Variants in COG5 observed in about 807,000 individuals in gnomAD.
COG5 encodes the protein component of oligomeric golgi complex 5.
Under a neutral mutation model 110.4 loss-of-function variants are expected in COG5, and 86 were observed. The ratio of observed to expected loss-of-function variants is 0.78; its 90% CI spans 0.65 to 0.93. The LOEUF (loss-of-function observed/expected upper bound fraction) is 0.93. COG5 is among the 40% of genes least tolerant of loss of function. The pLI, the probability that COG5 is intolerant of heterozygous loss-of-function variation, is 0.00. For missense variants in COG5, 1,077 were observed against 987.0 expected, an observed-to-expected ratio of 1.09 and a Z score of -1.22; for synonymous variants, 360 against 334.6, an observed-to-expected ratio of 1.08 and a Z score of -0.83.
intron 14 of COG5, among the ~76,000 whole-genome samples, chr7:107,268,195 C>T (rs144533910): frequency 0.019 from 2,847 of 152,078 alleles, 88 homozygotes; most frequent in African/African-American, 0.063. Context: ...CTCAAACTCC[C>T]GAACTCAGGT....
At position 107,230,001 on chromosome 7, in the gene COG5, C is replaced by T. The variant is rs371038594; in HGVS notation, c.2168+614G>A. Among the ~76,000 whole-genome samples, 456 of 151,854 alleles carry T rather than the reference C, an allele frequency of 3.0e-3. 2 individuals carry two copies. Among genetic ancestry groups the T allele is most frequent in the African/African-American group, 9.9e-3 (410 of 41,442 alleles). Reference sequence around the variant, plus strand: ...CAGTAGCTGGAACTACAGGTGTGCACCACCATGCCCAGCTAATTTTTGTAT... The same window carrying T: ...CAGTAGCTGGAACTACAGGTGTGCATCACCATGCCCAGCTAATTTTTGTAT... On this transcript the variant is annotated intron_variant, in intron 19 of 21. Transcript: ENST00000297135.
chr7:107,464,381 T>C (rs952497525), intron 6 of COG5, among the ~76,000 whole-genome samples: 1 of 152,066 alleles, frequency 6.6e-6, no homozygotes, highest in African/African-American at 2.4e-5. Flanking sequence ...GCCTAGAGAG[T>C]GAGCAATAAC....
intron 7 of COG5, among the ~76,000 whole-genome samples, chr7:107,394,742 G>A (rs1043607440): frequency 6.6e-6 from 1 of 152,270 alleles, no homozygotes; most frequent in African/African-American, 2.4e-5. Context: ...GACAGAATTT[G>A]ATGAGAAATA....
chr7:107,540,318 A>G (rs1258990197), intron 5 of COG5, among the ~76,000 whole-genome samples: 2 of 152,124 alleles, frequency 1.3e-5, no homozygotes, highest in African/African-American at 4.8e-5. Context: ...CATGCCTGCA[A>G]TCCCAGCATT....
intron 6 of COG5, among the ~76,000 whole-genome samples, chr7:107,514,154 C>T (rs1268411529): frequency 6.6e-6 from 1 of 151,682 alleles, no homozygotes; most frequent in Non-Finnish European, 1.5e-5. Context: ...AGACCATAAG[C>T]GATTAAAATT....
intron 11 of COG5, among the ~76,000 whole-genome samples, chr7:107,313,820 A>G (rs1808487453): frequency 6.6e-6 from 1 of 152,156 alleles, no homozygotes; most frequent in South Asian, 2.1e-4. Flanking sequence ...CACATCCGCA[A>G]AATCCCTCTT....
At chr7:107,563,544 T>TGGCG in intron 1 of COG5, 4 of 254,960 alleles carry the variant, frequency 1.6e-5, no homozygotes, top group South Asian at 6.6e-5. Flanking sequence ...GCTGGAGGCA[T>TGGCG]GGGGGGGGGG....
chr7:107,409,393 A>AAAGTAATCTACTTTCAGTAGATTC (rs1563016585), intron 7 of COG5, among the ~76,000 whole-genome samples: 3 of 151,998 alleles, frequency 2.0e-5, no homozygotes, highest in African/African-American at 7.2e-5. Context: ...CCAGTAGATT[A>AAAGTAATCTACTTTCAGTAGATTC]CTGAAAGTAA....
intron 6 of COG5, among the ~76,000 whole-genome samples, chr7:107,441,392 T>C (rs990929507): frequency 2.0e-5 from 3 of 152,132 alleles, no homozygotes; most frequent in Non-Finnish European, 4.4e-5. Flanking sequence ...GGGAACAATC[T>C]TAGGGGATTG....
intron 5 of COG5, among the ~76,000 whole-genome samples, chr7:107,545,087 GA>G (rs1802314894): frequency 6.6e-6 from 1 of 152,128 alleles, no homozygotes; most frequent in African/African-American, 2.4e-5. Flanking sequence ...GATCCAGTCA[GA>G]GGAACAAAAA....
At chr7:107,548,212 C>T (rs1322953894) in intron 4 of COG5, 32 bp from the exon 5 acceptor site, 6 of 1,607,426 alleles carry the variant, frequency 3.7e-6, no homozygotes, top group South Asian at 3.3e-5. Flanking sequence ...AGAATAAAAT[C>T]ATTTTCAGAA....
At chr7:107,214,203 T>A (rs779266571) in intron 19 of COG5, among the ~76,000 whole-genome samples, 1 of 152,024 alleles carries the variant, frequency 6.6e-6, no homozygotes, top group African/African-American at 2.4e-5. Flanking sequence ...CCAAGACACA[T>A]AATAAACTGT....
intron 6 of COG5, among the ~76,000 whole-genome samples, chr7:107,457,222 G>GA (rs5886417): frequency 0.62 from 94,419 of 151,706 alleles, 31,800 homozygotes; most frequent in African/African-American, 0.9. Context: ...AAACTTTCCA[G>GA]GCTGAAAAAC....
chr7:107,234,717 AAAAC>A (rs1801041219), intron 18 of COG5, among the ~76,000 whole-genome samples: 1 of 152,134 alleles, frequency 6.6e-6, no homozygotes, highest in Admixed American at 6.5e-5. Context: ...AACAAAAAGA[AAAAC>A]AAAATTAAGG....
intron 6 of COG5, among the ~76,000 whole-genome samples, chr7:107,509,995 C>T (rs1324894609): frequency 5.3e-5 from 8 of 152,228 alleles, no homozygotes; most frequent in East Asian, 1.9e-4. Flanking sequence ...CATCAACTAA[C>T]GAGCAAAATA....
At chr7:107,522,604 TAAG>T (rs1299539257) in intron 6 of COG5, among the ~76,000 whole-genome samples, 1 of 152,026 alleles carries the variant, frequency 6.6e-6, no homozygotes, top group Non-Finnish European at 1.5e-5. Flanking sequence ...ATTAAAAATT[TAAG>T]AAAAGAAGAA....
chr7:107,316,759 G>C (rs1021838266), intron 11 of COG5, among the ~76,000 whole-genome samples: 8 of 137,936 alleles, frequency 5.8e-5, no homozygotes, highest in Non-Finnish European at 1.1e-4. Flanking sequence ...GTGAACCCAG[G>C]AGGCGGAGCT....
rs566130777 is a variant in COG5 at position 107,374,147 on chromosome 7, T to C, written c.670-1387A>G. ...TTAATTTTATGTTGTAAATTCTCTA[T>C]TAACGTATGCCAACAAGGAAAATAA... On this transcript the variant is annotated intron_variant, in intron 7 of 21. Coordinates refer to ENST00000297135, the MANE Select transcript of COG5 (RefSeq NM_006348.5). 5.3e-5 allele frequency among the ~76,000 whole-genome samples: 8 copies of C among 152,210 alleles called. No homozygotes were observed. The South Asian group carries it at 1.7e-3, about 32-fold the overall frequency.
chr7:107,308,551 G>C (rs1194853903), intron 11 of COG5, among the ~76,000 whole-genome samples: 1 of 152,114 alleles, frequency 6.6e-6, no homozygotes, highest in Admixed American at 6.5e-5. Context: ...ACTGCAAAAT[G>C]AAGAGATTCC....
Sources: allele counts gnomAD v4.1 joint callset (sites outside exome capture counted in the v4.1 genomes callset), GRCh38; gene constraint gnomAD v4.1.1; transcripts MANE v1.5; gene names NCBI Gene and HGNC (gene_info 2026-07-23, HGNC 2026-07-21).